TRPS1: variants seen among roughly 807,000 people sequenced by gnomAD.
The protein encoded by TRPS1 is zinc finger transcription factor Trps1.
In TRPS1, 6 loss-of-function variants were observed where a neutral mutation model predicts 101.2. The ratio of observed to expected loss-of-function variants is 0.06; its 90% CI spans 0.03 to 0.12. TRPS1 has a LOEUF of 0.12. Ranked by LOEUF, TRPS1 falls within the 10% of genes least tolerant of loss-of-function variation. The probability of loss-of-function intolerance (pLI) is 1.00; values close to 1 mark genes in which losing one functional copy is unlikely to be tolerated. For missense variants in TRPS1, 1,363 were observed against 1,567.0 expected (o/e 0.87, Z 2.20); for synonymous variants, 578 against 589.8 (o/e 0.98, Z 0.29).
chr8:115,536,227 T>C (rs1816315374), intron 5 of TRPS1, among the ~76,000 whole-genome samples: 1 of 151,952 alleles, frequency 6.6e-6, no homozygotes, highest in Non-Finnish European at 1.5e-5. Flanking sequence ...ACCATAAAAA[T>C]AGTATTTCAC....
At chr8:115,506,962 TA>T (rs754898332) in intron 5 of TRPS1, among the ~76,000 whole-genome samples, 4 of 152,160 alleles carry the variant, frequency 2.6e-5, no homozygotes, top group Non-Finnish European at 5.9e-5. Context: ...TTTCAGTTTT[TA>T]AAACTATATT....
intron 1 of TRPS1, among the ~76,000 whole-genome samples, chr8:115,653,628 C>G (rs1021785799): frequency 6.6e-6 from 1 of 151,932 alleles, no homozygotes; most frequent in South Asian, 2.1e-4. Context: ...TTATAAAAGG[C>G]TTTTCACCTG....
At chr8:115,493,539 G>T (rs967720102) in intron 5 of TRPS1, among the ~76,000 whole-genome samples, 6 of 151,950 alleles carry the variant, frequency 3.9e-5, no homozygotes, top group South Asian at 2.1e-4. Context: ...AGTAGAGATG[G>T]TGTTTCTCCA....
At chr8:115,535,690 T>A (rs1816302026) in intron 5 of TRPS1, among the ~76,000 whole-genome samples, 1 of 150,752 alleles carries the variant, frequency 6.6e-6, no homozygotes, top group Non-Finnish European at 1.5e-5. Flanking sequence ...TGAAACCCCA[T>A]CTCTACTAAA....
At chr8:115,586,875 A>G in intron 5 of TRPS1, 126 bp downstream of exon 5, 5 of 1,551,206 alleles carry the variant, frequency 3.2e-6, no homozygotes, top group Non-Finnish European at 4.4e-6. Flanking sequence ...AGGAGTATAA[A>G]TCCCCAGATT....
At chr8:115,468,215 T>G (rs953352830) in intron 5 of TRPS1, among the ~76,000 whole-genome samples, 1 of 152,240 alleles carries the variant, frequency 6.6e-6, no homozygotes, top group Non-Finnish European at 1.5e-5. Context: ...TCATATGCCC[T>G]ACAGTTTATT....
chr8:115,653,639 A>T (rs903582527), intron 1 of TRPS1, among the ~76,000 whole-genome samples: 1 of 152,228 alleles, frequency 6.6e-6, no homozygotes, highest in Non-Finnish European at 1.5e-5. Flanking sequence ...TTTTCACCTG[A>T]AAGAAACATT....
At chr8:115,590,764 T>A (rs988138095) in intron 4 of TRPS1, among the ~76,000 whole-genome samples, 1 of 152,148 alleles carries the variant, frequency 6.6e-6, no homozygotes, top group Admixed American at 6.5e-5. Context: ...AAAATGAAAA[T>A]AAAGTTGTCT....
intron 5 of TRPS1, among the ~76,000 whole-genome samples, chr8:115,429,631 A>G (rs1184166294): frequency 6.6e-6 from 1 of 152,218 alleles, no homozygotes; most frequent in Non-Finnish European, 1.5e-5. Flanking sequence ...ATCGAGCAGA[A>G]TATCAGGAAA....
chr8:115,416,556 T>C (rs1312713144), intron 6 of TRPS1, among the ~76,000 whole-genome samples: 1 of 148,416 alleles, frequency 6.7e-6, no homozygotes, highest in Non-Finnish European at 1.5e-5. Context: ...TAAATATTCA[T>C]AAACATGTTA....
chr8:115,575,421 G>C (rs575993983), intron 5 of TRPS1, among the ~76,000 whole-genome samples: 2 of 152,146 alleles, frequency 1.3e-5, no homozygotes, highest in Non-Finnish European at 2.9e-5. Context: ...GCATGTCTGA[G>C]TGTGCATGTG....
intron 5 of TRPS1, among the ~76,000 whole-genome samples, chr8:115,483,605 G>A (rs961501597): frequency 1.3e-5 from 2 of 151,660 alleles, no homozygotes; most frequent in Non-Finnish European, 2.9e-5. Context: ...TTACAGATGA[G>A]ATTTAAGCTC....
chr8:115,426,522 CAG>C (rs907295338), intron 5 of TRPS1, among the ~76,000 whole-genome samples: 2 of 151,720 alleles, frequency 1.3e-5, no homozygotes, highest in African/African-American at 4.8e-5. Flanking sequence ...TGGGAAAAAA[CAG>C]AAAAAAAATC....
chr8:115,571,726 A>C (rs1047543124), intron 5 of TRPS1, among the ~76,000 whole-genome samples: 3 of 152,160 alleles, frequency 2.0e-5, no homozygotes, highest in Admixed American at 6.6e-5. Context: ...ATCTAAGAGA[A>C]ATGATTAGCG....
At chr8:115,653,849 C>T (rs999053277) in intron 1 of TRPS1, among the ~76,000 whole-genome samples, 4 of 152,186 alleles carry the variant, frequency 2.6e-5, no homozygotes, top group Admixed American at 1.3e-4. Flanking sequence ...CACACCTCCT[C>T]CTCCACCTCC....
chr8:115,500,275 G>A (rs1028532263), intron 5 of TRPS1, among the ~76,000 whole-genome samples: 23 of 151,940 alleles, frequency 1.5e-4, no homozygotes, highest in African/African-American at 4.6e-4. Flanking sequence ...TGATCTACCC[G>A]CCTTGGCCTC....
At chr8:115,529,818 C>T (rs1816088119) in intron 5 of TRPS1, among the ~76,000 whole-genome samples, 1 of 152,068 alleles carries the variant, frequency 6.6e-6, no homozygotes, top group Admixed American at 6.6e-5. Flanking sequence ...GTTTTCAGCA[C>T]CTGGTAAACC....
At chr8:115,528,007 C>T (rs59582596) in intron 5 of TRPS1, among the ~76,000 whole-genome samples, 3,239 of 152,092 alleles carry the variant, frequency 0.021, 117 homozygotes, top group African/African-American at 0.068. Flanking sequence ...TAATCAATTG[C>T]TTGTTCATAT....
chr8:115,440,879 C>T (rs1001455946), intron 5 of TRPS1, among the ~76,000 whole-genome samples: 3 of 151,908 alleles, frequency 2.0e-5, no homozygotes, highest in Non-Finnish European at 2.9e-5. Flanking sequence ...GACTTTTGGC[C>T]AATTTTGGGC....
Sources: allele counts gnomAD v4.1 joint callset (sites outside exome capture counted in the v4.1 genomes callset), GRCh38; gene constraint gnomAD v4.1.1; transcripts MANE v1.5; gene names NCBI Gene and HGNC (gene_info 2026-07-23, HGNC 2026-07-21).